ANKRD30B: variants seen among roughly 807,000 people sequenced by gnomAD.
ANKRD30B encodes ankyrin repeat domain 30B.
ANKRD30B carries 144 observed loss-of-function variants against 202.2 expected under a neutral mutation model. That is an observed-to-expected ratio of 0.71 (90% confidence interval 0.62 to 0.82). The LOEUF (loss-of-function observed/expected upper bound fraction) is 0.82, where lower values mean the gene tolerates loss of function less well. ANKRD30B is among the 40% of genes least tolerant of loss of function. ANKRD30B has a pLI of 0.00. For synonymous variants in ANKRD30B, 508 were observed against 561.3 expected, an observed-to-expected ratio of 0.91 and a Z score of 1.34; for missense variants, 1,487 against 1,669.1, an observed-to-expected ratio of 0.89 and a Z score of 1.90.
chr18:14,805,277 G>C lies in ANKRD30B; in HGVS notation c.2284+1453G>C, dbSNP rs959509350. 2.4e-4 allele frequency among the ~76,000 whole-genome samples: 36 copies of C among 150,880 alleles called. 3 individuals are homozygous for C. The highest frequency in any genetic ancestry group is 4.0e-4 in the Non-Finnish European group (27 of 67,728). On this transcript the variant is annotated intron_variant, in intron 24 of 43. Transcript: ENST00000690538. ...TTATGACTTGAATACTTAAATTGTT[G>C]TTATTCATAGGTATTTTACTGATTT...
At chr18:14,902,363 T>A in the ANKRD30B span, among the ~76,000 whole-genome samples, 1 of 152,286 alleles carries the variant, frequency 6.6e-6, no homozygotes, top group African/African-American at 2.4e-5. Flanking sequence ...ATTTACCCAA[T>A]TCATACAAGT....
downstream of ANKRD30B, among the ~76,000 whole-genome samples, chr18:14,859,027 G>A (rs1285947017): frequency 9.1e-6 from 1 of 110,116 alleles, no homozygotes; most frequent in African/African-American, 4.0e-5. Context: ...CCCAGACTGG[G>A]CGGCCAGGCA....
chr18:14,780,144 T>C, intron 11 of ANKRD30B, 123 bp downstream of exon 11: 1 of 749,036 alleles, frequency 1.3e-6, no homozygotes, highest in Non-Finnish European at 2.2e-6. Flanking sequence ...GAAATTCTGA[T>C]ATTTCTAAAA....
chr18:14,805,455 G>A (rs1329370836), intron 24 of ANKRD30B, among the ~76,000 whole-genome samples: 2 of 150,674 alleles, frequency 1.3e-5, no homozygotes, highest in Admixed American at 6.6e-5. Flanking sequence ...AGATGGCAAA[G>A]CTAGAAATTA....
intron 4 of ANKRD30B, among the ~76,000 whole-genome samples, chr18:14,756,033 G>A (rs1487234792): frequency 6.6e-6 from 1 of 152,156 alleles, no homozygotes; most frequent in East Asian, 1.9e-4. Context: ...GTGTAAAAGT[G>A]TTCCTATTTC....
intron 39 of ANKRD30B, among the ~76,000 whole-genome samples, chr18:14,844,304 A>G (rs1198515907): frequency 6.6e-6 from 1 of 152,238 alleles, no homozygotes; most frequent in Non-Finnish European, 1.5e-5. Context: ...AAACTAAAAT[A>G]TTTCAAGTAT....
the ANKRD30B span, among the ~76,000 whole-genome samples, chr18:14,894,118 T>A: frequency 6.6e-6 from 1 of 152,232 alleles, no homozygotes; most frequent in African/African-American, 2.4e-5. Flanking sequence ...GACTATGCCC[T>A]AAATAGCTTC....
chr18:14,749,670 CAAAAAAAAAAAAAA>C (rs55960708), intron 1 of ANKRD30B, among the ~76,000 whole-genome samples: 3 of 61,194 alleles, frequency 4.9e-5, no homozygotes, highest in Non-Finnish European at 5.6e-5. Context: ...GACTCTGTCT[CAAAAAAAAAAAAAA>C]AAAAAAAAAA....
At chr18:14,783,674 A>C (rs1724059801) in intron 12 of ANKRD30B, among the ~76,000 whole-genome samples, 1 of 152,106 alleles carries the variant, frequency 6.6e-6, no homozygotes, top group African/African-American at 2.4e-5. Flanking sequence ...CATCTATTGC[A>C]ATTAATTTTT....
At chr18:14,931,267 G>A in the ANKRD30B span, among the ~76,000 whole-genome samples, 1 of 152,114 alleles carries the variant, frequency 6.6e-6, no homozygotes, top group Non-Finnish European at 1.5e-5. Flanking sequence ...TTTCAAATGA[G>A]GCAGAAGTGT....
At chr18:14,844,259 T>G (rs2143207598) in intron 39 of ANKRD30B, among the ~76,000 whole-genome samples, 1 of 152,346 alleles carries the variant, frequency 6.6e-6, no homozygotes, top group African/African-American at 2.4e-5. Flanking sequence ...TTTAAGTTGG[T>G]TTTTACCTAC....
chr18:14,912,568 A>G, the ANKRD30B span, among the ~76,000 whole-genome samples: 1 of 152,160 alleles, frequency 6.6e-6, no homozygotes, highest in Non-Finnish European at 1.5e-5. Context: ...AGATATTGGT[A>G]TGTAGTGTTC....
At chr18:14,897,163 G>A in the ANKRD30B span, among the ~76,000 whole-genome samples, 5 of 152,078 alleles carry the variant, frequency 3.3e-5, no homozygotes, top group South Asian at 2.1e-4. Flanking sequence ...TTCAAACGTC[G>A]TGTTCAGAAG....
chr18:14,904,345 C>T, the ANKRD30B span, among the ~76,000 whole-genome samples: 5 of 152,230 alleles, frequency 3.3e-5, no homozygotes, highest in African/African-American at 9.6e-5. Context: ...CTGGTCTAAC[C>T]TAATAGTAAA....
the ANKRD30B span, among the ~76,000 whole-genome samples, chr18:14,934,069 AC>A: frequency 6.6e-6 from 1 of 151,566 alleles, no homozygotes; most frequent in East Asian, 1.9e-4. Flanking sequence ...TTTGCATTCC[AC>A]CCTGGGCAGC....
the ANKRD30B span, among the ~76,000 whole-genome samples, chr18:14,862,694 G>T: frequency 6.6e-6 from 1 of 152,290 alleles, no homozygotes; most frequent in Non-Finnish European, 1.5e-5. Context: ...GAATGGTAGA[G>T]CCACGGGAAG....
chr18:14,871,073 C>CTG, the ANKRD30B span, among the ~76,000 whole-genome samples: 1 of 99,902 alleles, frequency 1.0e-5, no homozygotes, highest in African/African-American at 3.9e-5. Context: ...ACACCCCCAC[C>CTG]CACAGACCCC....
chr18:14,827,991 A>G (rs1970734113), intron 32 of ANKRD30B, among the ~76,000 whole-genome samples: 1 of 152,214 alleles, frequency 6.6e-6, no homozygotes, highest in Non-Finnish European at 1.5e-5. Context: ...ATGCTTTGTA[A>G]CAAATCATCT....
chr18:14,878,226 G>A, the ANKRD30B span, among the ~76,000 whole-genome samples: 3 of 152,196 alleles, frequency 2.0e-5, no homozygotes, highest in Non-Finnish European at 4.4e-5. Context: ...CGAGCAGATA[G>A]TAGTGCAGTG....
Sources: allele counts gnomAD v4.1 joint callset (sites outside exome capture counted in the v4.1 genomes callset), GRCh38; gene constraint gnomAD v4.1.1; transcripts MANE v1.5; gene names NCBI Gene and HGNC (gene_info 2026-07-23, HGNC 2026-07-21).